SLC8A1: variants seen among roughly 807,000 people sequenced by gnomAD.
The protein encoded by SLC8A1 is sodium/calcium exchanger 1.
A neutral mutation model predicts 68.3 loss-of-function variants in SLC8A1; 18 were observed. The ratio of observed to expected loss-of-function variants is 0.26; its 90% CI spans 0.18 to 0.39. The LOEUF (loss-of-function observed/expected upper bound fraction) is 0.39, where lower values mean the gene tolerates loss of function less well. SLC8A1 is among the 10% of genes least tolerant of loss of function. SLC8A1 has a pLI of 1.00. For synonymous variants in SLC8A1, 475 were observed against 415.5 expected, an observed-to-expected ratio of 1.14 and a Z score of -1.74; for missense variants, 985 against 1,156.7, an observed-to-expected ratio of 0.85 and a Z score of 2.15.
At position 40,218,823 on chromosome 2, in the gene SLC8A1, A is replaced by G. The variant is rs552577267; in HGVS notation, c.1809-40968T>C. Among the ~76,000 whole-genome samples, 9 of 152,262 alleles carry G rather than the reference A, an allele frequency of 5.9e-5. No individual in the cohort carries two copies. In the East Asian group the frequency reaches 1.5e-3, roughly 26 times the overall value. ...AGCAGGACACCTCTATCGTTGGATG[A>G]AAAATGCTGACTTGCATGTTCTGGG... On this transcript the variant is annotated intron_variant, in intron 2 of 7. Coordinates refer to ENST00000406785, the Ensembl canonical transcript of SLC8A1.
intron 2 of SLC8A1, among the ~76,000 whole-genome samples, chr2:40,327,783 A>G (rs1575438337): frequency 6.6e-6 from 1 of 152,174 alleles, no homozygotes; most frequent in Non-Finnish European, 1.5e-5. Flanking sequence ...AGGGCTGAAC[A>G]ACTACCTATT....
At chr2:40,421,520 A>T (rs929687123) in intron 2 of SLC8A1, among the ~76,000 whole-genome samples, 1 of 152,270 alleles carries the variant, frequency 6.6e-6, no homozygotes, top group East Asian at 1.9e-4. Flanking sequence ...AAAAAACTAT[A>T]TCTGGAAAAT....
chr2:40,466,863 A>G (rs1415017564), intron 1 of SLC8A1, among the ~76,000 whole-genome samples: 1 of 152,084 alleles, frequency 6.6e-6, no homozygotes. Context: ...GAAAAACTAT[A>G]TATGATTACT....
chr2:40,265,338 C>G (rs981695922), intron 2 of SLC8A1, among the ~76,000 whole-genome samples: 2 of 152,064 alleles, frequency 1.3e-5, no homozygotes, highest in African/African-American at 4.8e-5. Flanking sequence ...GGTATTAAGG[C>G]CAATGCTTTT....
chr2:40,393,918 C>T (rs531528335), intron 2 of SLC8A1, among the ~76,000 whole-genome samples: 33 of 151,918 alleles, frequency 2.2e-4, no homozygotes, highest in African/African-American at 7.2e-4. Flanking sequence ...TTTCAAATAC[C>T]CCACCACAAG....
At chr2:40,341,996 C>CA (rs1667843483) in intron 2 of SLC8A1, among the ~76,000 whole-genome samples, 1 of 152,120 alleles carries the variant, frequency 6.6e-6, no homozygotes, top group Non-Finnish European at 1.5e-5. Context: ...CATGACCTTT[C>CA]AGCATCATAT....
At chr2:40,253,426 T>TA in intron 2 of SLC8A1, among the ~76,000 whole-genome samples, 1 of 152,012 alleles carries the variant, frequency 6.6e-6, no homozygotes, top group East Asian at 1.9e-4. Flanking sequence ...GGACATATGC[T>TA]AATTTGAAAT....
At chr2:40,274,001 C>T (rs945433871) in intron 2 of SLC8A1, among the ~76,000 whole-genome samples, 3 of 151,496 alleles carry the variant, frequency 2.0e-5, no homozygotes, top group African/African-American at 7.3e-5. Context: ...AGGGACTGTG[C>T]CCCTCTCTCC....
intron 7 of SLC8A1, among the ~76,000 whole-genome samples, chr2:40,124,227 C>T (rs570511834): frequency 1.6e-4 from 24 of 152,292 alleles, no homozygotes; most frequent in South Asian, 4.1e-4. Context: ...AAGGAAACTT[C>T]GTTGTCAGCT....
intron 2 of SLC8A1, among the ~76,000 whole-genome samples, chr2:40,326,857 T>G (rs145910215): frequency 1.5e-3 from 224 of 152,322 alleles, no homozygotes; most frequent in African/African-American, 5.1e-3. Context: ...TAAAGATGAT[T>G]GTGTGGAAAC....
At chr2:40,226,225 T>C (rs902855982) in intron 2 of SLC8A1, among the ~76,000 whole-genome samples, 1 of 152,158 alleles carries the variant, frequency 6.6e-6, no homozygotes, top group African/African-American at 2.4e-5. Flanking sequence ...GGTTCCATTA[T>C]TGCAATGTAA....
chr2:40,457,331 C>A (rs904039430), intron 1 of SLC8A1, among the ~76,000 whole-genome samples: 3 of 152,080 alleles, frequency 2.0e-5, no homozygotes, highest in African/African-American at 7.3e-5. Flanking sequence ...AATGTCCCTG[C>A]GAGATTACAC....
intron 2 of SLC8A1, among the ~76,000 whole-genome samples, chr2:40,384,808 T>C (rs576704966): frequency 6.6e-6 from 1 of 152,222 alleles, no homozygotes; most frequent in South Asian, 2.1e-4. Flanking sequence ...TTTTACAATT[T>C]TTTCCCGGCA....
intron 2 of SLC8A1, among the ~76,000 whole-genome samples, chr2:40,207,498 A>G (rs1423075418): frequency 6.6e-6 from 1 of 151,726 alleles, no homozygotes; most frequent in Non-Finnish European, 1.5e-5. Context: ...CAGTTTCATA[A>G]AAAAAAAGTG....
At chr2:40,437,348 T>C (rs976654999) in intron 1 of SLC8A1, among the ~76,000 whole-genome samples, 1 of 152,126 alleles carries the variant, frequency 6.6e-6, no homozygotes, top group Admixed American at 6.6e-5. Context: ...CTCACATGTT[T>C]CCACTCCTGC....
intron 2 of SLC8A1, among the ~76,000 whole-genome samples, chr2:40,324,721 G>A (rs1186780318): frequency 6.6e-6 from 1 of 151,512 alleles, no homozygotes; most frequent in African/African-American, 2.4e-5. Flanking sequence ...TTATTCAGAG[G>A]CATCAATGTC....
intron 2 of SLC8A1, among the ~76,000 whole-genome samples, chr2:40,245,765 A>C (rs567527110): frequency 3.9e-5 from 6 of 152,332 alleles, no homozygotes; most frequent in African/African-American, 1.4e-4. Flanking sequence ...TTTTAAAACC[A>C]AGACAGATAT....
intron 2 of SLC8A1, among the ~76,000 whole-genome samples, chr2:40,338,515 C>T (rs1281612542): frequency 1.3e-5 from 2 of 152,158 alleles, no homozygotes; most frequent in Non-Finnish European, 2.9e-5. Context: ...TCCTGGCCCA[C>T]AAACCATGGT....
At chr2:40,458,920 T>C (rs1343567689) in intron 1 of SLC8A1, among the ~76,000 whole-genome samples, 1 of 152,202 alleles carries the variant, frequency 6.6e-6, no homozygotes, top group East Asian at 1.9e-4. Flanking sequence ...TCGTTGGTCA[T>C]CAAGCAACTC....
Sources: gnomAD v4.1 joint callset for allele counts (sites outside exome capture counted in the v4.1 genomes callset) on GRCh38, gnomAD v4.1.1 for gene constraint, MANE v1.5 for transcripts, NCBI Gene and HGNC (gene_info 2026-07-23, HGNC 2026-07-21) for gene names.